The following BFSP2 variants were observed in gnomAD, a reference collection of about 807,000 sequenced individuals.
BFSP2 encodes beaded filament structural protein 2, also known as phakinin.
Under a neutral mutation model 44.9 loss-of-function variants are expected in BFSP2, and 38 were observed. That is an observed-to-expected ratio of 0.85 (90% confidence interval 0.65 to 1.11). The LOEUF (loss-of-function observed/expected upper bound fraction) is 1.11. Ranked by LOEUF, BFSP2 falls within the 50% of genes least tolerant of loss-of-function variation. The pLI, the probability that BFSP2 is intolerant of heterozygous loss-of-function variation, is 0.00. For synonymous variants in BFSP2, 197 were observed against 209.9 expected (o/e 0.94, Z 0.53); for missense variants, 525 against 533.0 (o/e 0.99, Z 0.15).
At chr3:133,414,116 CTACTCACCCCGTCCTCTCACCT>C in intron 1 of BFSP2, among the ~76,000 whole-genome samples, 1 of 109,920 alleles carries the variant, frequency 9.1e-6, no homozygotes, top group African/African-American at 3.6e-5. Context: ...CCTCTCCCCT[CTACTCACCCCGTCCTCTCACCT>C]TACTCACCCC....
intron 1 of BFSP2, among the ~76,000 whole-genome samples, chr3:133,430,755 G>A (rs1054550374): frequency 1.1e-4 from 16 of 151,834 alleles, no homozygotes; most frequent in Admixed American, 3.3e-4. Flanking sequence ...AACCCCAAGC[G>A]TCGCTGAGTC....
intron 1 of BFSP2, among the ~76,000 whole-genome samples, chr3:133,443,599 G>A (rs944609797): frequency 6.6e-6 from 1 of 152,214 alleles, no homozygotes; most frequent in Non-Finnish European, 1.5e-5. Flanking sequence ...CGGTGGCCTT[G>A]TTATTAAGAG....
chr3:133,472,745 A>G (rs1044306292), intron 6 of BFSP2, among the ~76,000 whole-genome samples, 180 bp downstream of exon 6: 10 of 152,170 alleles, frequency 6.6e-5, no homozygotes, highest in Non-Finnish European at 1.5e-4. Flanking sequence ...CAAATAATAT[A>G]TATAATATAT....
intron 1 of BFSP2, among the ~76,000 whole-genome samples, chr3:133,437,644 G>C (rs1161490194): frequency 1.3e-5 from 2 of 151,852 alleles, no homozygotes; most frequent in East Asian, 1.9e-4. Context: ...AAAGAAGAGA[G>C]AGAGAAAGGA....
chr3:133,448,118 T>C (rs1430546557), intron 2 of BFSP2, among the ~76,000 whole-genome samples: 1 of 152,196 alleles, frequency 6.6e-6, no homozygotes, highest in Non-Finnish European at 1.5e-5. Context: ...CCCTGGTGCT[T>C]AGCAGGTTGT....
chr3:133,469,499 G>C (rs1386344660), intron 5 of BFSP2, among the ~76,000 whole-genome samples: 1 of 152,208 alleles, frequency 6.6e-6, no homozygotes, highest in Non-Finnish European at 1.5e-5. Flanking sequence ...ACTCAAATCA[G>C]GAATGGAATT....
At chr3:133,422,946 G>A (rs187045769) in intron 1 of BFSP2, among the ~76,000 whole-genome samples, 115 of 152,300 alleles carry the variant, frequency 7.6e-4, no homozygotes, top group Non-Finnish European at 1.4e-3. Flanking sequence ...GCCTATACCT[G>A]GTACTGAATA....
At chr3:133,437,211 AG>A (rs763431207) in intron 1 of BFSP2, among the ~76,000 whole-genome samples, 36 of 152,202 alleles carry the variant, frequency 2.4e-4, no homozygotes, top group Admixed American at 5.9e-4. Context: ...AACTAGGCAA[AG>A]CAGCTCAATT....
At chr3:133,421,087 G>A (rs1222412204) in intron 1 of BFSP2, among the ~76,000 whole-genome samples, 3 of 152,200 alleles carry the variant, frequency 2.0e-5, no homozygotes, top group Admixed American at 2.0e-4. Flanking sequence ...GAAAGTATGC[G>A]TCGGGAAGGG....
chr3:133,426,287 C>T (rs1057042956), intron 1 of BFSP2, among the ~76,000 whole-genome samples: 12 of 152,064 alleles, frequency 7.9e-5, no homozygotes, highest in African/African-American at 2.9e-4. Context: ...TCCCAAATGC[C>T]CCCTGCTGAC....
At chr3:133,451,110 CAAAAAAA>C (rs55964213) in intron 4 of BFSP2, among the ~76,000 whole-genome samples, 1 of 95,098 alleles carries the variant, frequency 1.1e-5, no homozygotes, top group African/African-American at 4.3e-5. Context: ...GACTCTGTCT[CAAAAAAA>C]AAAAAAAAAA....
At chr3:133,424,932 C>A (rs2073630063) in intron 1 of BFSP2, among the ~76,000 whole-genome samples, 1 of 152,202 alleles carries the variant, frequency 6.6e-6, no homozygotes, top group African/African-American at 2.4e-5. Flanking sequence ...CCATGCCTGG[C>A]CTGGTTCTGA....
intron 2 of BFSP2, among the ~76,000 whole-genome samples, chr3:133,447,909 A>G (rs985357253): frequency 6.6e-6 from 1 of 152,218 alleles, no homozygotes; most frequent in Non-Finnish European, 1.5e-5. Flanking sequence ...CAGAGTCCCC[A>G]GGGGTTGGGT....
intron 1 of BFSP2, among the ~76,000 whole-genome samples, chr3:133,417,244 A>C (rs1373640570): frequency 6.0e-5 from 6 of 100,210 alleles, no homozygotes; most frequent in Admixed American, 1.2e-4. Context: ...TCTCCCCTCT[A>C]CTTACCCGTG....
At chr3:133,450,026 G>A (rs1248384770) in intron 3 of BFSP2, among the ~76,000 whole-genome samples, 7 of 139,076 alleles carry the variant, frequency 5.0e-5, no homozygotes, top group African/African-American at 1.1e-4. Context: ...AGGAGGGAGG[G>A]AGGGGGAGGG....
chr3:133,417,523 T>TCCC (rs199770958), intron 1 of BFSP2, among the ~76,000 whole-genome samples: 5 of 14,392 alleles, frequency 3.5e-4, no homozygotes, highest in Admixed American at 7.3e-4. Context: ...CTTCCCTCGC[T>TCCC]CCCATCTCCC....
rs528317268 is a variant in BFSP2 at position 133,446,831 on chromosome 3, C to T, written c.490-486C>T. 5.3e-5 allele frequency among the ~76,000 whole-genome samples: 8 copies of T among 151,486 alleles called. No homozygotes were observed. The South Asian group carries it at 8.4e-4, about 16-fold the overall frequency. ...AACTCTAGAGCCACGCTGCCCAATA[C>T]GGTAGCCACGGGTGGCCACCATGCT... On this transcript the variant is annotated intron_variant, in intron 1 of 6. Transcript: ENST00000302334.
chr3:133,444,527 TG>T (rs2073878522), intron 1 of BFSP2, among the ~76,000 whole-genome samples: 1 of 152,040 alleles, frequency 6.6e-6, no homozygotes, highest in Non-Finnish European at 1.5e-5. Flanking sequence ...ATACTAAATG[TG>T]GTAAGAGAGG....
intron 1 of BFSP2, among the ~76,000 whole-genome samples, chr3:133,405,621 A>G (rs1198510927): frequency 6.6e-6 from 1 of 152,254 alleles, no homozygotes; most frequent in African/African-American, 2.4e-5. Context: ...ATCCCTGGAA[A>G]GTAGGTGATG....
Sources: allele counts gnomAD v4.1 joint callset (sites outside exome capture counted in the v4.1 genomes callset), GRCh38; gene constraint gnomAD v4.1.1; transcripts MANE v1.5; gene names NCBI Gene and HGNC (gene_info 2026-07-23, HGNC 2026-07-21).